CLIC5: variants seen among roughly 807,000 people sequenced by gnomAD.
CLIC5 encodes the protein CLIC family member 5, also known as chloride intracellular channel protein 5.
A neutral mutation model predicts 24.7 loss-of-function variants in CLIC5; 20 were observed. The ratio of observed to expected loss-of-function variants is 0.81; its 90% CI spans 0.57 to 1.18. The LOEUF (loss-of-function observed/expected upper bound fraction) is 1.18, where lower values mean the gene tolerates loss of function less well. Among genes scored for constraint, CLIC5 ranks in the 50% most tolerant of loss-of-function variants. The probability of loss-of-function intolerance (pLI) is 0.00; values close to 1 mark genes in which losing one functional copy is unlikely to be tolerated. For synonymous variants in CLIC5, 159 were observed against 135.6 expected (o/e 1.17, Z -1.20); for missense variants, 341 against 326.1 (o/e 1.05, Z -0.35).
intron 1 of CLIC5, among the ~76,000 whole-genome samples, chr6:45,987,770 G>T (rs935085645): frequency 2.0e-5 from 3 of 152,082 alleles, no homozygotes; most frequent in Non-Finnish European, 4.4e-5. Flanking sequence ...TCTTCCTCTT[G>T]TTATAAATCC....
At chr6:46,129,510 T>C in the CLIC5 span, 2 of 152,186 alleles carry the variant, frequency 1.3e-5, no homozygotes, top group African/African-American at 4.8e-5. Context: ...TTACCTAACT[T>C]CCCCGGTAAA....
At chr6:45,924,496 C>T (rs1581743706) in intron 4 of CLIC5, among the ~76,000 whole-genome samples, 1 of 152,264 alleles carries the variant, frequency 6.6e-6, no homozygotes, top group East Asian at 1.9e-4. Context: ...CTACATGAGT[C>T]TTGCATCTCC....
At chr6:45,933,665 A>G (rs1246984735) in intron 4 of CLIC5, among the ~76,000 whole-genome samples, 1 of 152,228 alleles carries the variant, frequency 6.6e-6, no homozygotes, top group African/African-American at 2.4e-5. Context: ...AAAGGGGTAC[A>G]TCTTTGCACA....
At chr6:46,096,484 A>G in the CLIC5 span, among the ~76,000 whole-genome samples, 1 of 152,176 alleles carries the variant, frequency 6.6e-6, no homozygotes, top group East Asian at 1.9e-4. Context: ...AGTCATCCGA[A>G]GGTTTGACTG....
At chr6:46,036,433 C>G (rs1031136351) in intron 1 of CLIC5, among the ~76,000 whole-genome samples, 1 of 151,682 alleles carries the variant, frequency 6.6e-6, no homozygotes, top group African/African-American at 2.4e-5. Context: ...GCCTCAGCCT[C>G]CCGAGTAGCT....
intron 4 of CLIC5, among the ~76,000 whole-genome samples, chr6:45,938,563 A>G (rs1304283425): frequency 6.6e-6 from 1 of 152,100 alleles, no homozygotes; most frequent in Non-Finnish European, 1.5e-5. Context: ...GAGTTAGGGG[A>G]AGCAGGAGTC....
chr6:46,074,509 A>C (rs1414369515), intron 1 of CLIC5, among the ~76,000 whole-genome samples: 1 of 152,208 alleles, frequency 6.6e-6, no homozygotes, highest in African/African-American at 2.4e-5. Flanking sequence ...TGACTTCAAC[A>C]GGACATTTAC....
downstream of CLIC5, among the ~76,000 whole-genome samples, chr6:45,895,758 G>A (rs1478468128): frequency 1.3e-5 from 2 of 152,220 alleles, no homozygotes; most frequent in Admixed American, 1.3e-4. Flanking sequence ...GGTGGTAACA[G>A]TGACTAACAC....
chr6:46,120,622 T>C, the CLIC5 span, among the ~76,000 whole-genome samples: 3 of 152,114 alleles, frequency 2.0e-5, no homozygotes, highest in African/African-American at 7.2e-5. Context: ...CTTCAGATGA[T>C]CAAACTTCTC....
chr6:45,904,155 G>C (rs187025468), intron 5 of CLIC5, among the ~76,000 whole-genome samples: 1 of 152,094 alleles, frequency 6.6e-6, no homozygotes, highest in Non-Finnish European at 1.5e-5. Context: ...CATTGGGCAG[G>C]TTACTTAACC....
intron 3 of CLIC5, among the ~76,000 whole-genome samples, chr6:45,945,441 A>G (rs1764258847): frequency 1.3e-5 from 2 of 152,084 alleles, no homozygotes; most frequent in South Asian, 4.1e-4. Context: ...TAATGTCACC[A>G]TGACATTTTT....
chr6:45,968,867 G>A (rs967485158), intron 1 of CLIC5, among the ~76,000 whole-genome samples: 15 of 152,130 alleles, frequency 9.9e-5, no homozygotes, highest in African/African-American at 3.1e-4. Context: ...GCAATTTGGG[G>A]CAATGTAATA....
chr6:46,058,087 GTGTGTGTGTT>G (rs1189362200), intron 1 of CLIC5, among the ~76,000 whole-genome samples: 8 of 151,368 alleles, frequency 5.3e-5, no homozygotes, highest in Non-Finnish European at 1.2e-4. Context: ...GTGTGTGTGT[GTGTGTGTGTT>G]TGTCTGGATA....
At chr6:46,088,655 A>G in the CLIC5 span, among the ~76,000 whole-genome samples, 1 of 152,202 alleles carries the variant, frequency 6.6e-6, no homozygotes, top group Non-Finnish European at 1.5e-5. Flanking sequence ...TCTTTTTTAA[A>G]AAGAAAGAAG....
chr6:45,962,035 T>G (rs1205981489), intron 1 of CLIC5, among the ~76,000 whole-genome samples: 1 of 146,272 alleles, frequency 6.8e-6, no homozygotes, highest in Non-Finnish European at 1.5e-5. Flanking sequence ...TGTGTGTGTA[T>G]TTATATATAC....
At chr6:46,128,886 G>A in the CLIC5 span, among the ~76,000 whole-genome samples, 16 of 152,136 alleles carry the variant, frequency 1.1e-4, no homozygotes, top group African/African-American at 3.6e-4. Context: ...AATAATCAAC[G>A]GAATACATCT....
Position 46,032,686 on chromosome 6 carries a change from C to T in CLIC5, c.540+47017G>A, listed in dbSNP as rs114006668. On this transcript the variant is annotated intron_variant, in intron 1 of 5. Coordinates refer to the CLIC5 transcript ENST00000185206. ...GACTCATCCCTGGATTCAGAAACCT[C>T]TTTTCATTCATTCCATAAACACATA... Among the ~76,000 whole-genome samples the T allele has an allele frequency of 3.8e-4, 58 of 152,320 alleles. 1 individual carries two copies. Among genetic ancestry groups the T allele is most frequent in the African/African-American group, 1.4e-3 (57 of 41,574 alleles).
chr6:45,974,514 TATATATATAGAG>T (rs1561976371), intron 1 of CLIC5, among the ~76,000 whole-genome samples: 1 of 92,628 alleles, frequency 1.1e-5, no homozygotes, highest in Non-Finnish European at 2.1e-5. Flanking sequence ...TATATATATA[TATATATATAGAG>T]AGAGAGAGAG....
the CLIC5 span, among the ~76,000 whole-genome samples, chr6:46,107,662 G>A: frequency 7.2e-5 from 11 of 152,252 alleles, no homozygotes; most frequent in East Asian, 1.9e-4. Context: ...TGTGGGTTTC[G>A]TTAAAGGAAA....
Sources: allele counts gnomAD v4.1 joint callset (sites outside exome capture counted in the v4.1 genomes callset), GRCh38; gene constraint gnomAD v4.1.1; transcripts MANE v1.5; gene names NCBI Gene and HGNC (gene_info 2026-07-23, HGNC 2026-07-21).